CEP70: variants seen among roughly 807,000 people sequenced by gnomAD.
CEP70 encodes the protein centrosomal protein of 70 kDa.
CEP70 carries 70 observed loss-of-function variants against 90.9 expected under a neutral mutation model. The observed-to-expected ratio is 0.77, with a 90% CI of 0.64 to 0.94. The LOEUF is 0.94. Among genes scored for constraint, CEP70 ranks in the 40% least tolerant of loss-of-function variants. The pLI, the probability that CEP70 is intolerant of heterozygous loss-of-function variation, is 0.00. For missense variants in CEP70, 648 were observed against 669.0 expected, an observed-to-expected ratio of 0.97 and a Z score of 0.35; for synonymous variants, 220 against 228.3, an observed-to-expected ratio of 0.96 and a Z score of 0.33.
chr3:138,502,084 T>C (rs1282938968), intron 13 of CEP70, among the ~76,000 whole-genome samples: 1 of 152,202 alleles, frequency 6.6e-6, no homozygotes, highest in Non-Finnish European at 1.5e-5. Context: ...TTTTAAGTTG[T>C]CTAGGGCCAT....
intron 6 of CEP70, among the ~76,000 whole-genome samples, chr3:138,567,224 A>T (rs1353792342): frequency 6.6e-6 from 1 of 152,148 alleles, no homozygotes; most frequent in East Asian, 1.9e-4. Flanking sequence ...ATACATACAA[A>T]ACCAATGTTT....
At chr3:138,593,483 A>G (rs571155000) in intron 1 of CEP70, among the ~76,000 whole-genome samples, 29 of 152,192 alleles carry the variant, frequency 1.9e-4, no homozygotes, top group African/African-American at 2.4e-4. Context: ...TCGGCCTCCC[A>G]AAGTGCTGAG....
At chr3:138,570,258 G>T in intron 6 of CEP70, 60 bp downstream of exon 6, 1 of 1,120,538 alleles carries the variant, frequency 8.9e-7, no homozygotes, top group Non-Finnish European at 1.3e-6. Context: ...AGTCACCTGG[G>T]ACCATAATGA....
chr3:138,523,773 C>G (rs1238004656), intron 11 of CEP70, among the ~76,000 whole-genome samples: 3 of 152,066 alleles, frequency 2.0e-5, no homozygotes, highest in Admixed American at 6.5e-5. Context: ...TAGGAAGAAT[C>G]AATATCGTGA....
chr3:138,537,058 G>A (rs570964244), intron 7 of CEP70, 120 bp downstream of exon 7: 2 of 567,362 alleles, frequency 3.5e-6, no homozygotes, highest in East Asian at 3.1e-5. Context: ...AGAAGAGGAG[G>A]AGAGAGAGGC....
At chr3:138,531,734 C>CT (rs1371955718) in intron 8 of CEP70, 1 of 135,984 alleles carries the variant, frequency 7.4e-6, no homozygotes, top group South Asian at 2.3e-4. Context: ...CACAGTACTA[C>CT]AGATAATCAG....
chr3:138,501,983 A>T (rs552121035), intron 13 of CEP70, among the ~76,000 whole-genome samples: 8 of 152,188 alleles, frequency 5.3e-5, no homozygotes, highest in African/African-American at 9.6e-5. Context: ...AGCACTGTGG[A>T]TAAGGGATAC....
intron 1 of CEP70, among the ~76,000 whole-genome samples, chr3:138,593,416 T>G (rs945488598): frequency 1.3e-5 from 2 of 152,146 alleles, no homozygotes; most frequent in Admixed American, 6.5e-5. Flanking sequence ...AGAGACGTGG[T>G]TTCATCATGT....
chr3:138,505,186 A>T, intron 13 of CEP70, 109 bp downstream of exon 13: 1 of 862,292 alleles, frequency 1.2e-6, no homozygotes, highest in Non-Finnish European at 1.6e-6. Flanking sequence ...TAACACACAA[A>T]CAAAAAAATT....
chr3:138,521,401 G>A lies in CEP70; in HGVS notation c.944+4089C>T, dbSNP rs550123678. Reference sequence around the variant, plus strand: ...TGGCCGCCCATCATCTGGGATGTGAGGAGCCCCTCTGCCCAGCCGCCCAGT... The same window carrying A: ...TGGCCGCCCATCATCTGGGATGTGAAGAGCCCCTCTGCCCAGCCGCCCAGT... On this transcript the variant is annotated intron_variant, in intron 11 of 17. Coordinates refer to ENST00000264982, the MANE Select transcript of CEP70 (RefSeq NM_024491.4). Among the ~76,000 whole-genome samples, 43 of 148,986 alleles carry A rather than the reference G, an allele frequency of 2.9e-4. No individual in the cohort carries two copies. The East Asian group carries it at 7.1e-3, about 25-fold the overall frequency.
chr3:138,585,753 C>A (rs971195155), intron 2 of CEP70, among the ~76,000 whole-genome samples: 1 of 152,108 alleles, frequency 6.6e-6, no homozygotes, highest in African/African-American at 2.4e-5. Context: ...ACAGTGAACT[C>A]ATTATTGACA....
intron 2 of CEP70, among the ~76,000 whole-genome samples, chr3:138,586,320 C>T (rs1158773403): frequency 6.6e-6 from 1 of 152,030 alleles, no homozygotes; most frequent in African/African-American, 2.4e-5. Context: ...ACCACACTGG[C>T]CAATTTTTTA....
chr3:138,553,431 G>C (rs1177173612), intron 6 of CEP70, among the ~76,000 whole-genome samples: 2 of 151,608 alleles, frequency 1.3e-5, no homozygotes, highest in Non-Finnish European at 2.9e-5. Flanking sequence ...AGTGAGCTGA[G>C]ATTGGGCCAC....
chr3:138,590,310 T>C (rs915591020), intron 2 of CEP70, among the ~76,000 whole-genome samples: 3 of 152,090 alleles, frequency 2.0e-5, no homozygotes, highest in Non-Finnish European at 2.9e-5. Context: ...GAGAAGTTGT[T>C]AAGTAAAAGC....
At chr3:138,556,561 A>G (rs2040020740) in intron 6 of CEP70, among the ~76,000 whole-genome samples, 1 of 149,988 alleles carries the variant, frequency 6.7e-6, no homozygotes, top group African/African-American at 2.4e-5. Context: ...AGAATTATCA[A>G]GGAACCTGCC....
At chr3:138,573,855 A>G (rs572636612) in intron 2 of CEP70, among the ~76,000 whole-genome samples, 1 of 152,314 alleles carries the variant, frequency 6.6e-6, no homozygotes, top group Non-Finnish European at 1.5e-5. Flanking sequence ...TAAGTTAAGG[A>G]TGCTTGAGAA....
At chr3:138,590,629 G>A (rs952093963) in intron 2 of CEP70, among the ~76,000 whole-genome samples, 4 of 148,980 alleles carry the variant, frequency 2.7e-5, no homozygotes, top group South Asian at 2.1e-4. Flanking sequence ...GTGATACCCC[G>A]TTTCTACTAA....
intron 6 of CEP70, among the ~76,000 whole-genome samples, chr3:138,539,620 T>C (rs527710733): frequency 4.6e-5 from 7 of 151,962 alleles, no homozygotes; most frequent in Non-Finnish European, 1.0e-4. Context: ...GCTACTTGAA[T>C]ATAAACAGAG....
chr3:138,551,470 G>A (rs1461505205), intron 6 of CEP70, among the ~76,000 whole-genome samples: 1 of 152,146 alleles, frequency 6.6e-6, no homozygotes, highest in Non-Finnish European at 1.5e-5. Flanking sequence ...ATCTGGCTGG[G>A]TGCAGTGGTT....
Sources: allele counts gnomAD v4.1 joint callset (sites outside exome capture counted in the v4.1 genomes callset), GRCh38; gene constraint gnomAD v4.1.1; transcripts MANE v1.5; gene names NCBI Gene and HGNC (gene_info 2026-07-23, HGNC 2026-07-21).